The following SOS2 variants were observed in gnomAD, a reference collection of about 807,000 sequenced individuals.
SOS2 encodes the protein SOS Ras/Rho guanine nucleotide exchange factor 2.
In SOS2, 65 loss-of-function variants were observed where a neutral mutation model predicts 148.2. The ratio of observed to expected loss-of-function variants is 0.44; its 90% CI spans 0.36 to 0.54. The LOEUF is 0.54. SOS2 is among the 20% of genes least tolerant of loss of function. The pLI, the probability that SOS2 is intolerant of heterozygous loss-of-function variation, is 0.00. For missense variants in SOS2, 1,341 were observed against 1,590.2 expected (o/e 0.84, Z 2.67); for synonymous variants, 539 against 537.1 (o/e 1.00, Z -0.05).
chr14:50,154,763 A>C (rs1035835122), intron 12 of SOS2, among the ~76,000 whole-genome samples: 2 of 152,198 alleles, frequency 1.3e-5, no homozygotes, highest in Non-Finnish European at 2.9e-5. Flanking sequence ...GGAGGGAGAA[A>C]TTGGAACACT....
intron 3 of SOS2, 45 bp downstream of exon 3, chr14:50,200,908 T>C: frequency 6.3e-7 from 1 of 1,575,428 alleles, no homozygotes; most frequent in Non-Finnish European, 8.7e-7. Context: ...AAAATATTAC[T>C]TGTTATAAAG....
Position 50,120,270 on chromosome 14 carries a change from A to G in SOS2, c.3489+5T>C, listed in dbSNP as rs200420279. 2 of 1,397,530 alleles carry G rather than the reference A, an allele frequency of 1.4e-6. No homozygotes were observed. The highest frequency in any genetic ancestry group is 2.0e-6 in the Non-Finnish European group (2 of 986,996). 86.6% of individuals were successfully genotyped at this position (1,397,530 alleles called of 1,614,324 possible). ...AATAAGTTGGAGTAAAGTCCTGTTG[A>G]TTACCTTGGAATTTGAAGCATCATG... On this transcript the variant is annotated splice_donor_5th_base_variant and intron_variant, in intron 22 of 22. Coordinates refer to ENST00000216373, the MANE Select transcript of SOS2 (RefSeq NM_006939.4).
intron 1 of SOS2, among the ~76,000 whole-genome samples, chr14:50,220,223 AC>A (rs1887158788): frequency 6.8e-6 from 1 of 147,562 alleles, no homozygotes; most frequent in Admixed American, 6.8e-5. Context: ...ACATGGTGAA[AC>A]CCCATCTCTA....
intron 1 of SOS2, among the ~76,000 whole-genome samples, chr14:50,209,891 T>C (rs188410909): frequency 3.5e-4 from 54 of 152,302 alleles, no homozygotes; most frequent in Admixed American, 7.2e-4. Context: ...AAATGAAAGA[T>C]GATACCATGT....
intron 7 of SOS2, among the ~76,000 whole-genome samples, chr14:50,178,586 G>A (rs1263661906): frequency 6.7e-6 from 1 of 148,806 alleles, no homozygotes; most frequent in Non-Finnish European, 1.5e-5. Flanking sequence ...GCCTCCAAGT[G>A]ATCCTCCTGC....
intron 5 of SOS2, among the ~76,000 whole-genome samples, chr14:50,187,785 C>T (rs1885965080): frequency 6.6e-6 from 1 of 152,112 alleles, no homozygotes; most frequent in Non-Finnish European, 1.5e-5. Flanking sequence ...AAAGTTCCAC[C>T]GTTAAAACTT....
At chr14:50,128,921 G>A (rs1015799815) in intron 21 of SOS2, among the ~76,000 whole-genome samples, 1 of 151,972 alleles carries the variant, frequency 6.6e-6, no homozygotes, top group African/African-American at 2.4e-5. Flanking sequence ...TGCCTGGCCA[G>A]ATAAAAATTT....
rs372963089 is a variant in SOS2 at position 50,216,035 on chromosome 14, A to G, written c.88-11626T>C. Among the ~76,000 whole-genome samples, 8 of 152,102 alleles carry G rather than the reference A, an allele frequency of 5.3e-5. No homozygotes were observed. In the East Asian group the frequency reaches 9.6e-4, roughly 18 times the overall value. ...CTGCCAAGATTTCCACAAGGATGCAAATATCTCAAACATCAATTAAGAATA... is the reference window on the plus strand; with the variant it reads ...CTGCCAAGATTTCCACAAGGATGCAGATATCTCAAACATCAATTAAGAATA... On this transcript the variant is annotated intron_variant, in intron 1 of 22. Transcript: ENST00000216373.
Position 50,159,803 on chromosome 14 carries a change from T to C in SOS2, c.1480A>G (p.Met494Val), listed in dbSNP as rs1884937684. 1 of 1,613,984 alleles carries C rather than the reference T, an allele frequency of 6.2e-7. No individual in the cohort carries two copies. The highest frequency in any genetic ancestry group is 8.5e-7 in the Non-Finnish European group (1 of 1,179,968). Reference protein sequence around the residue: ...AEYRLKEKFVMRKIQICDKED... With the variant: ...AEYRLKEKFVVRKIQICDKED... Reference sequence around the variant, plus strand: ...TTATCACAAATTTGTATTTTCCTCATGACAAATTTTTCTTTTAACCTGTAT... The same window carrying C: ...TTATCACAAATTTGTATTTTCCTCACGACAAATTTTTCTTTTAACCTGTAT... The change falls in exon 10 of 23, where the codon ATG becomes GTG. Residue 494 changes from methionine to valine, a missense_variant. Around this residue, in one of 4 missense-constraint regions of SOS2, gnomAD observed 574 missense variants for 711.1 expected, o/e 0.81. Coordinates refer to ENST00000216373, the MANE Select transcript of SOS2 (RefSeq NM_006939.4).
chr14:50,144,683 C>T (rs1416552847), intron 16 of SOS2, among the ~76,000 whole-genome samples: 1 of 152,144 alleles, frequency 6.6e-6, no homozygotes, highest in Non-Finnish European at 1.5e-5. Context: ...GGTGATCGAC[C>T]CGCCTCAGCC....
At chr14:50,151,849 G>A (rs917188384) in intron 13 of SOS2, among the ~76,000 whole-genome samples, 4 of 151,936 alleles carry the variant, frequency 2.6e-5, no homozygotes, top group Non-Finnish European at 5.9e-5. Context: ...TCAGCCTCCC[G>A]AGTAGCTGGG....
chr14:50,231,719 TC>T (rs1227478781), upstream of SOS2, among the ~76,000 whole-genome samples: 14 of 151,448 alleles, frequency 9.2e-5, no homozygotes, highest in Admixed American at 5.9e-4. Flanking sequence ...CCTCATCGCC[TC>T]CTCCCCGCCC....
intron 11 of SOS2, among the ~76,000 whole-genome samples, chr14:50,157,614 C>A (rs969500122): frequency 3.3e-5 from 5 of 152,102 alleles, no homozygotes; most frequent in Admixed American, 3.3e-4. Flanking sequence ...ATAAGTCTAA[C>A]GTGTGCTTTC....
chr14:50,142,100 C>T (rs565955128), intron 16 of SOS2, among the ~76,000 whole-genome samples: 16 of 151,722 alleles, frequency 1.1e-4, no homozygotes, highest in Admixed American at 2.0e-4. Flanking sequence ...CTCTGCCTCC[C>T]GGGTTCAAGT....
chr14:50,161,895 C>A (rs562137699), intron 8 of SOS2, among the ~76,000 whole-genome samples: 1 of 150,972 alleles, frequency 6.6e-6, no homozygotes, highest in Non-Finnish European at 1.5e-5. Context: ...AGACCACAGG[C>A]GAATGCCACC....
rs77329320 is a variant in SOS2, at chr14:50,141,972, T to C, written c.2668-1913A>G. 5.0e-3 allele frequency among the ~76,000 whole-genome samples: 755 copies of C among 152,004 alleles called. 5 individuals carry two copies. Among genetic ancestry groups the C allele is most frequent in the African/African-American group, 0.016 (677 of 41,484 alleles). On this transcript the variant is annotated intron_variant, in intron 16 of 22. Transcript: ENST00000216373. ...AACAAAAGGCCTACAGATATAGGCATTCAATTTATGACACATTTATTAAAT... is the reference window on the plus strand; with the variant it reads ...AACAAAAGGCCTACAGATATAGGCACTCAATTTATGACACATTTATTAAAT...
chr14:50,145,318 G>A lies in SOS2; in HGVS notation c.2519C>T (p.Ala840Val). The part of the protein sequence containing the change: ...TLWFEKCIVE[A>V]ENFEERVAVL... The stretch of plus-strand genomic sequence containing the variant: ...TGCCACCCGTTCTTCAAAATTTTCT[G>A]CTTCCACAATGCATCTAACAACAAC... The change falls in exon 16 of 23, where the codon GCA becomes GTA. Residue 840 changes from alanine to valine, a missense_variant. Ala to Val is a moderately conservative substitution (Grantham distance 64). Around this residue, in one of 4 missense-constraint regions of SOS2, gnomAD observed 408 missense variants for 506.6 expected, o/e 0.81. Transcript: ENST00000216373. 6.2e-7 allele frequency: 1 copy of A among 1,602,272 alleles called. No homozygotes were observed. The highest frequency in any genetic ancestry group is 1.1e-5 in the South Asian group (1 of 88,384).
At position 50,153,057 on chromosome 14, in the gene SOS2, T is replaced by C; in HGVS notation, c.2161+13A>G. On this transcript the variant is annotated intron_variant, in intron 13 of 22. Transcript: ENST00000216373. ...TTCAATATAAGATTCAATCAAACCT[T>C]TATATAATATACCTCTTACACTTGA... 7.6e-7 allele frequency: 1 copy of C among 1,315,328 alleles called. No homozygotes were observed. The highest frequency in any genetic ancestry group is 1.1e-6 in the Non-Finnish European group (1 of 924,202). The allele number at this position is 1,315,328 out of a possible 1,614,324, so 81.5% of individuals were successfully genotyped here. A position where few individuals can be genotyped will look rare whatever the true frequency, so the allele number is the denominator to read the frequency against.
intron 17 of SOS2, among the ~76,000 whole-genome samples, chr14:50,139,611 CT>C (rs1298404988): frequency 6.6e-6 from 1 of 152,126 alleles, no homozygotes; most frequent in Non-Finnish European, 1.5e-5. Context: ...CACATAGAAG[CT>C]TTTAATAAAT....
Sources: gnomAD v4.1 joint callset for allele counts (sites outside exome capture counted in the v4.1 genomes callset) on GRCh38, gnomAD v4.1.1 for gene constraint, gnomAD v4.1.1 regional missense constraint, MANE v1.5 for transcripts, NCBI Gene and HGNC (gene_info 2026-07-23, HGNC 2026-07-21) for gene names.